The following SYNDIG1 variants were observed in gnomAD, a reference collection of about 807,000 sequenced individuals.
SYNDIG1 encodes the protein synapse differentiation-inducing gene protein 1.
A neutral mutation model predicts 19.4 loss-of-function variants in SYNDIG1; 9 were observed. The ratio of observed to expected loss-of-function variants is 0.46; its 90% CI spans 0.28 to 0.81. SYNDIG1 has a LOEUF of 0.81. SYNDIG1 is among the 30% of genes least tolerant of loss of function. The pLI is 0.12. For synonymous variants in SYNDIG1, 141 were observed against 145.9 expected (o/e 0.97, Z 0.24); for missense variants, 311 against 343.3 (o/e 0.91, Z 0.74).
intron 3 of SYNDIG1, among the ~76,000 whole-genome samples, chr20:24,664,800 G>A (rs543577640): frequency 2.6e-5 from 4 of 152,276 alleles, no homozygotes; most frequent in African/African-American, 9.6e-5. Flanking sequence ...TGAGGAGGAA[G>A]GTTTCAGGTG....
At chr20:24,566,690 C>T (rs1382064562) in intron 2 of SYNDIG1, among the ~76,000 whole-genome samples, 14 of 152,170 alleles carry the variant, frequency 9.2e-5, no homozygotes, top group Non-Finnish European at 1.9e-4. Flanking sequence ...ACTGAGTTCC[C>T]GTCCCCATCT....
chr20:24,549,215 TC>T (rs1462177313), intron 2 of SYNDIG1, among the ~76,000 whole-genome samples: 2 of 152,158 alleles, frequency 1.3e-5, no homozygotes, highest in Admixed American at 6.5e-5. Flanking sequence ...TTCCTATCTC[TC>T]CCTTCCTCCT....
intron 3 of SYNDIG1, among the ~76,000 whole-genome samples, chr20:24,620,345 G>A (rs1402322032): frequency 6.6e-6 from 1 of 152,164 alleles, no homozygotes; most frequent in East Asian, 1.9e-4. Flanking sequence ...ACCCAAGGCT[G>A]GGGGGTGACC....
At chr20:24,499,031 T>C (rs2056375479) in intron 1 of SYNDIG1, among the ~76,000 whole-genome samples, 1 of 152,176 alleles carries the variant, frequency 6.6e-6, no homozygotes. Context: ...TTTGTTTGTT[T>C]GTTTGTTTTG....
At chr20:24,645,697 C>G (rs2059416414) in intron 3 of SYNDIG1, among the ~76,000 whole-genome samples, 1 of 152,212 alleles carries the variant, frequency 6.6e-6, no homozygotes, top group Non-Finnish European at 1.5e-5. Flanking sequence ...TATACCTGGG[C>G]TGAGAGAGGC....
At chr20:24,557,267 G>A (rs996509740) in intron 2 of SYNDIG1, among the ~76,000 whole-genome samples, 3 of 152,066 alleles carry the variant, frequency 2.0e-5, no homozygotes, top group East Asian at 1.9e-4. Context: ...CCTGTAGCTC[G>A]GAGTGGTTTG....
intron 1 of SYNDIG1, chr20:24,491,518 C>CT (rs2056147061): frequency 6.6e-6 from 1 of 152,272 alleles, no homozygotes; most frequent in East Asian, 1.9e-4. Context: ...GGGTGAGCAG[C>CT]ATGCCCTGCT....
At chr20:24,653,962 T>G (rs1056423181) in intron 3 of SYNDIG1, among the ~76,000 whole-genome samples, 9 of 152,210 alleles carry the variant, frequency 5.9e-5, no homozygotes, top group African/African-American at 2.2e-4. Flanking sequence ...GGCCCTATCT[T>G]CAAATACAGT....
chr20:24,603,034 G>C (rs1238351901), intron 3 of SYNDIG1, among the ~76,000 whole-genome samples: 1 of 152,138 alleles, frequency 6.6e-6, no homozygotes, highest in African/African-American at 2.4e-5. Flanking sequence ...AGGCCATACA[G>C]CTCACTCCAA....
At chr20:24,527,702 C>T (rs528409814) in intron 1 of SYNDIG1, among the ~76,000 whole-genome samples, 4 of 152,178 alleles carry the variant, frequency 2.6e-5, no homozygotes, top group South Asian at 4.2e-4. Flanking sequence ...AATGAGGAGT[C>T]GTCACTGAAT....
chr20:24,585,056 G>GGGGGGGGCGCCC, intron 3 of SYNDIG1, 63 bp downstream of exon 3: 1 of 545,664 alleles, frequency 1.8e-6, no homozygotes, highest in Non-Finnish European at 3.4e-6. Context: ...GGTGGGGGCG[G>GGGGGGGGCGCCC]CAATCCCAGC....
chr20:24,639,683 T>C (rs2059351764), intron 3 of SYNDIG1, among the ~76,000 whole-genome samples: 1 of 152,244 alleles, frequency 6.6e-6, no homozygotes, highest in South Asian at 2.1e-4. Context: ...TTGGACATTG[T>C]GATAAACTAT....
At chr20:24,656,284 A>G (rs2059525214) in intron 3 of SYNDIG1, among the ~76,000 whole-genome samples, 1 of 152,238 alleles carries the variant, frequency 6.6e-6, no homozygotes, top group African/African-American at 2.4e-5. Flanking sequence ...GTCAGTATGA[A>G]GTGTGTGACC....
At chr20:24,576,589 G>T (rs956880394) in intron 2 of SYNDIG1, among the ~76,000 whole-genome samples, 2 of 152,174 alleles carry the variant, frequency 1.3e-5, no homozygotes, top group African/African-American at 4.8e-5. Flanking sequence ...CCTGAGTTGT[G>T]AACTCACAGA....
intron 1 of SYNDIG1, among the ~76,000 whole-genome samples, chr20:24,524,594 T>G (rs1007661404): frequency 2.0e-5 from 3 of 150,426 alleles, no homozygotes; most frequent in African/African-American, 7.4e-5. Context: ...TACAGTGAGC[T>G]GAGATCGCGC....
At chr20:24,585,509 G>A (rs569114372) in intron 3 of SYNDIG1, among the ~76,000 whole-genome samples, 1 of 152,302 alleles carries the variant, frequency 6.6e-6, no homozygotes, top group South Asian at 2.1e-4. Flanking sequence ...TGTGGAAATA[G>A]CACATCTCAG....
chr20:24,543,419 G>A lies in SYNDIG1; in HGVS notation c.322G>A (p.Ala108Thr), dbSNP rs372433869. 12 of 1,613,498 alleles carry A rather than the reference G, an allele frequency of 7.4e-6. No homozygotes were observed. In the African/African-American group the frequency reaches 8.0e-5, roughly 11 times the overall value. The change falls in exon 2 of 4, where the codon GCC becomes ACC. Residue 108 changes from alanine (A) to threonine (T), a missense_variant. Physicochemically the swap from Ala to Thr is moderately conservative, Grantham distance 58. Transcript: ENST00000376862. ...VLRSWGDGVA[A>T]DCCETTFIED... ...GCGCTCCTGGGGGGACGGTGTGGCC[G>A]CCGACTGCTGCGAGACCACCTTCAT...
At position 24,542,756 on chromosome 20, in the gene SYNDIG1, G is replaced by T. The variant is rs1239566170; in HGVS notation, c.-78-264G>T. The stretch of plus-strand genomic sequence containing the variant: ...AATCAAAGGTTCCTCTAGGCTGCAA[G>T]GGAGCCAATTCCTGCAGTCTCCTTC... On this transcript the variant is annotated intron_variant, in intron 1 of 3. Coordinates refer to ENST00000376862, the MANE Select transcript of SYNDIG1 (RefSeq NM_024893.3). Among the ~76,000 whole-genome samples, 3 of 152,340 alleles carry T rather than the reference G, an allele frequency of 2.0e-5. No homozygotes were observed. In the East Asian group the frequency reaches 5.8e-4, roughly 29 times the overall value.
intron 1 of SYNDIG1, among the ~76,000 whole-genome samples, chr20:24,495,074 T>A (rs1377173762): frequency 6.6e-6 from 1 of 152,188 alleles, no homozygotes; most frequent in Non-Finnish European, 1.5e-5. Context: ...ACAGCTGTAT[T>A]TATTATGCTT....
Sources: gnomAD v4.1 joint callset for allele counts (sites outside exome capture counted in the v4.1 genomes callset) on GRCh38, gnomAD v4.1.1 for gene constraint, MANE v1.5 for transcripts, NCBI Gene and HGNC (gene_info 2026-07-23, HGNC 2026-07-21) for gene names.